AFF3: variants seen among roughly 807,000 people sequenced by gnomAD.
AFF3 encodes the protein AF4/FMR2 family member 3.
In AFF3, 32 loss-of-function variants were observed where a neutral mutation model predicts 129.7. The ratio of observed to expected loss-of-function variants is 0.25; its 90% CI spans 0.19 to 0.33. The LOEUF is 0.33. Ranked by LOEUF, AFF3 falls within the 10% of genes least tolerant of loss-of-function variation. The pLI is 1.00. For synonymous variants in AFF3, 644 were observed against 635.4 expected (o/e 1.01, Z -0.20); for missense variants, 1,373 against 1,592.0 (o/e 0.86, Z 2.34).
chr2:99,925,002 A>T (rs1696124170), intron 7 of AFF3, among the ~76,000 whole-genome samples: 2 of 151,940 alleles, frequency 1.3e-5, no homozygotes, highest in South Asian at 2.1e-4. Context: ...CAGCCACCTG[A>T]ATAGCTAGGA....
intron 4 of AFF3, among the ~76,000 whole-genome samples, chr2:100,103,428 A>C (rs1690901023): frequency 6.6e-6 from 1 of 151,288 alleles, no homozygotes; most frequent in Non-Finnish European, 1.5e-5. Context: ...GTAAATATTA[A>C]ACATAACACA....
At chr2:99,712,423 C>T (rs1038721686) in intron 11 of AFF3, among the ~76,000 whole-genome samples, 1 of 152,234 alleles carries the variant, frequency 6.6e-6, no homozygotes, top group African/African-American at 2.4e-5. Flanking sequence ...ATCATTTACA[C>T]AAAGTGACTA....
intron 18 of AFF3, among the ~76,000 whole-genome samples, chr2:99,572,298 C>A (rs1197176798): frequency 8.3e-6 from 1 of 119,886 alleles, no homozygotes; most frequent in South Asian, 3.9e-4. Context: ...CCACCACCCC[C>A]CCCCCCCCAC....
At chr2:99,977,052 G>T (rs1179987462) in intron 7 of AFF3, among the ~76,000 whole-genome samples, 1 of 152,192 alleles carries the variant, frequency 6.6e-6, no homozygotes, top group Non-Finnish European at 1.5e-5. Context: ...CTGACTTACA[G>T]AGTTTATGAC....
At chr2:99,791,158 G>C (rs1021989219) in intron 8 of AFF3, among the ~76,000 whole-genome samples, 5 of 152,232 alleles carry the variant, frequency 3.3e-5, no homozygotes, top group Admixed American at 2.0e-4. Context: ...GGATAGGAGA[G>C]TAAGGGTTGA....
At chr2:99,819,300 G>C (rs1687471136) in intron 8 of AFF3, among the ~76,000 whole-genome samples, 1 of 152,210 alleles carries the variant, frequency 6.6e-6, no homozygotes, top group East Asian at 1.9e-4. Context: ...ATTAATGCTA[G>C]ATTAATTCTT....
At position 100,014,954 on chromosome 2, in the gene AFF3, A is replaced by ATTT. The variant is rs562822524; in HGVS notation, c.54-6025_54-6023dup. On this transcript the variant is annotated intron_variant, in intron 4 of 24. Transcript: ENST00000672756. Reference sequence around the variant, plus strand: ...ATGTGCCACCACACCCAGCCAGCTAATTTTTTTTTTTTTTTTTTTTTTTGT... The same window carrying ATTT: ...ATGTGCCACCACACCCAGCCAGCTAATTTTTTTTTTTTTTTTTTTTTTTTTTGT... 3.5e-3 allele frequency among the ~76,000 whole-genome samples: 426 copies of ATTT among 121,608 alleles called. 4 individuals are homozygous for ATTT. The highest frequency in any genetic ancestry group is 0.013 in the African/African-American group (405 of 30,770). The allele number at this position is 121,608 out of a possible 152,430, so 79.8% of individuals were successfully genotyped here.
chr2:100,059,161 G>A (rs1360373246), intron 4 of AFF3, among the ~76,000 whole-genome samples: 2 of 142,200 alleles, frequency 1.4e-5, no homozygotes, highest in African/African-American at 2.6e-5. Context: ...GCTGAGGCAG[G>A]AGAATAGCTT....
intron 7 of AFF3, among the ~76,000 whole-genome samples, chr2:99,856,046 G>T (rs1013362817): frequency 6.6e-6 from 1 of 152,000 alleles, no homozygotes; most frequent in African/African-American, 2.4e-5. Context: ...AAAACTCAAG[G>T]TCATCAAAAA....
At chr2:99,632,395 C>T (rs948514548) in intron 13 of AFF3, among the ~76,000 whole-genome samples, 6 of 152,086 alleles carry the variant, frequency 3.9e-5, no homozygotes, top group African/African-American at 1.4e-4. Context: ...TGAGAAAATA[C>T]GATATCTCAC....
intron 7 of AFF3, among the ~76,000 whole-genome samples, chr2:99,974,416 G>C (rs1005169842): frequency 6.6e-6 from 1 of 152,182 alleles, no homozygotes; most frequent in African/African-American, 2.4e-5. Flanking sequence ...GCACAGTGTT[G>C]AGCGATTCTG....
chr2:100,000,471 A>G (rs572694106), intron 7 of AFF3, among the ~76,000 whole-genome samples: 1 of 152,224 alleles, frequency 6.6e-6, no homozygotes, highest in South Asian at 2.1e-4. Flanking sequence ...TATTTCTAAT[A>G]CAAAGGAACT....
chr2:100,126,373 T>G (rs904703648), intron 2 of AFF3, among the ~76,000 whole-genome samples: 4 of 152,208 alleles, frequency 2.6e-5, no homozygotes, highest in African/African-American at 9.6e-5. Context: ...TGTAAAGATA[T>G]GGGCTCTATT....
intron 3 of AFF3, chr2:100,104,878 C>CGGGCGA (rs1249627150): frequency 3.1e-4 from 106 of 340,510 alleles, no homozygotes; most frequent in African/African-American, 2.3e-3. Flanking sequence ...CGCGTGTGCG[C>CGGGCGA]GGGCGAGGCC....
intron 2 of AFF3, among the ~76,000 whole-genome samples, chr2:100,127,515 GT>G (rs1325447129): frequency 6.6e-6 from 1 of 152,222 alleles, no homozygotes; most frequent in Non-Finnish European, 1.5e-5. Context: ...TTCCTGTGGA[GT>G]CCCTGACCTC....
chr2:99,594,141 C>G lies in AFF3; in HGVS notation c.1520G>C (p.Cys507Ser). 6.2e-7 allele frequency: 1 copy of G among 1,614,092 alleles called. No individual in the cohort carries two copies. The highest frequency in any genetic ancestry group is 1.3e-5 in the African/African-American group (1 of 75,050). ...CTGGCAAACGTCGGGGACTTTCCCA[C>G]AGTCCTGGACGTCCTCTTTCACCGG... Reference protein sequence around the residue: ...YNPVKEDVQDCGKVPDVCQPS... With the variant: ...YNPVKEDVQDSGKVPDVCQPS... The change falls in exon 15 of 25, where the codon TGT becomes TCT. Residue 507 changes from cysteine to serine, a missense_variant. By Grantham distance (112) the Cys-to-Ser change is moderately radical (BLOSUM62 -1). Around this residue, in one of 9 missense-constraint regions of AFF3, gnomAD observed 413 missense variants for 424.4 expected, o/e 0.97. Transcript: ENST00000672756.
chr2:99,553,909 G>A, intron 24 of AFF3, among the ~76,000 whole-genome samples: 1 of 84,632 alleles, frequency 1.2e-5, no homozygotes, highest in Non-Finnish European at 2.1e-5. Context: ...GCAAGATTCT[G>A]TCTCAAACCA....
intron 13 of AFF3, among the ~76,000 whole-genome samples, chr2:99,626,537 TC>T (rs1682601358): frequency 4.0e-5 from 2 of 50,200 alleles, no homozygotes; most frequent in Admixed American, 1.9e-4. Context: ...CCTTCCTCCC[TC>T]CCTTCTCCCT....
chr2:99,873,364 T>C (rs936665865), intron 7 of AFF3, among the ~76,000 whole-genome samples: 4 of 152,236 alleles, frequency 2.6e-5, no homozygotes, highest in Non-Finnish European at 5.9e-5. Context: ...TTTACATCTA[T>C]CTAATGTATT....
Sources: gnomAD v4.1 joint callset for allele counts (sites outside exome capture counted in the v4.1 genomes callset) on GRCh38, gnomAD v4.1.1 for gene constraint, gnomAD v4.1.1 regional missense constraint, MANE v1.5 for transcripts, NCBI Gene and HGNC (gene_info 2026-07-23, HGNC 2026-07-21) for gene names.